Variants in ZNF519 observed in about 807,000 individuals in gnomAD.
ZNF519 encodes the protein zinc finger protein 519.
A neutral mutation model predicts 7.4 loss-of-function variants in ZNF519; 7 were observed. The ratio of observed to expected loss-of-function variants is 0.94; its 90% CI spans 0.54 to 1.77. The LOEUF is 1.77. Ranked by LOEUF, ZNF519 falls within the 40% of genes most tolerant of loss-of-function variation. The probability of loss-of-function intolerance (pLI) is 0.00; values close to 1 mark genes in which losing one functional copy is unlikely to be tolerated. For synonymous variants in ZNF519, 179 were observed against 203.3 expected (o/e 0.88, Z 1.02); for missense variants, 586 against 623.1 (o/e 0.94, Z 0.63).
exon 5 of ZNF519, chr18:14,076,521 C>T (rs770430068): frequency 3.9e-5 from 6 of 152,034 alleles, no homozygotes; most frequent in Non-Finnish European, 5.9e-5. Flanking sequence ...ACTACATCAC[C>T]ATTAATATAT....
downstream of ZNF519, chr18:14,074,727 C>T (rs1268743677): frequency 6.6e-6 from 1 of 152,166 alleles, no homozygotes; most frequent in Non-Finnish European, 1.5e-5. Flanking sequence ...TGGGTAAAAC[C>T]ATTCAACAAG....
At chr18:14,086,087 G>GTGCAAAGAGTGAC (rs1466590791) in intron 2 of ZNF519, among the ~76,000 whole-genome samples, 4 of 152,188 alleles carry the variant, frequency 2.6e-5, no homozygotes, top group African/African-American at 9.7e-5. Context: ...GGGCAGCACA[G>GTGCAAAGAGTGAC]TGCAAAGAGT....
intron 1 of ZNF519, 49 bp from the exon 2 acceptor site, chr18:14,124,525 G>C (rs1030651189): frequency 6.3e-7 from 1 of 1,587,252 alleles, no homozygotes; most frequent in Admixed American, 1.9e-5. Context: ...GACTAGAGAT[G>C]AAATGAGTTA....
chr18:14,077,744 C>T (rs1433416278), intron 4 of ZNF519, among the ~76,000 whole-genome samples: 1 of 151,752 alleles, frequency 6.6e-6, no homozygotes, highest in Admixed American at 6.6e-5. Flanking sequence ...GAGGGACTGA[C>T]CACAAGGCAG....
At chr18:14,121,420 C>T (rs1305175124) in intron 2 of ZNF519, among the ~76,000 whole-genome samples, 1 of 151,944 alleles carries the variant, frequency 6.6e-6, no homozygotes, top group Non-Finnish European at 1.5e-5. Flanking sequence ...TATTTCACAA[C>T]GTATACACAT....
At chr18:14,132,179 G>A (rs2046334027) in intron 1 of ZNF519, 96 bp downstream of exon 1, 1 of 1,448,402 alleles carries the variant, frequency 6.9e-7, no homozygotes, top group African/African-American at 1.4e-5. Context: ...CTGAGCTGCA[G>A]ACTCGACTCG....
At position 14,131,851 on chromosome 18, in the gene ZNF519, C is replaced by G. The variant is rs574037414; in HGVS notation, c.3+424G>C. On this transcript the variant is annotated intron_variant, in intron 1 of 2. Coordinates refer to ENST00000590202, the MANE Select transcript of ZNF519 (RefSeq NM_145287.4). ...TTCTAGTAGCCCCCCAACCACAAAC[C>G]ATTGCTGAGCGCTGTCCCATTAATT... is the stretch of plus-strand genomic sequence containing the variant. Among the ~76,000 whole-genome samples the G allele has an allele frequency of 2.0e-5, 3 of 152,324 alleles. No individual in the cohort carries two copies. In the East Asian group the frequency reaches 5.8e-4, roughly 29 times the overall value.
chr18:14,080,344 A>G (rs2046066189), intron 3 of ZNF519: 1 of 82,330 alleles, frequency 1.2e-5, no homozygotes, highest in Non-Finnish European at 2.3e-5. Flanking sequence ...TTTTTTTGAG[A>G]CAGAGTCTCG....
intron 2 of ZNF519, among the ~76,000 whole-genome samples, chr18:14,113,653 T>A (rs1284904089): frequency 1.3e-5 from 2 of 152,122 alleles, no homozygotes; most frequent in Non-Finnish European, 2.9e-5. Context: ...CTTGTGTACA[T>A]ACCTAGGATT....
rs9783868 is a variant in ZNF519 at position 14,101,787 on chromosome 18, C to T, written c.*3130G>A. On this transcript the variant is annotated 3_prime_UTR_variant, in exon 3 of 3. Transcript: ENST00000590202. ...CTGTGTGGAGCTCTGCAAAGACAAACCAGCAGTTAATCTTGCACGCAACAG... is the reference window on the plus strand; with the variant it reads ...CTGTGTGGAGCTCTGCAAAGACAAATCAGCAGTTAATCTTGCACGCAACAG... The T allele has an allele frequency of 3.9e-3, 1,551 of 398,552 alleles. 23 individuals carry two copies. Among genetic ancestry groups the T allele is most frequent in the African/African-American group, 0.026 (1,256 of 48,710 alleles). The allele number at this position is 398,552 out of a possible 1,614,324, so 24.7% of individuals were successfully genotyped here. A position where few individuals can be genotyped will look rare whatever the true frequency, so the allele number is the denominator to read the frequency against.
At chr18:14,111,506 C>CA (rs1491497636) in intron 2 of ZNF519, among the ~76,000 whole-genome samples, 1,720 of 45,630 alleles carry the variant, frequency 0.038, 28 homozygotes, top group African/African-American at 0.13. Flanking sequence ...GACTCCTACT[C>CA]AAAAAAAAGA....
chr18:14,094,635 G>T (rs1443202458), intron 2 of ZNF519, among the ~76,000 whole-genome samples: 1 of 152,130 alleles, frequency 6.6e-6, no homozygotes, highest in East Asian at 1.9e-4. Context: ...TTCTATTTGA[G>T]CATGGTCGAT....
intron 3 of ZNF519, among the ~76,000 whole-genome samples, chr18:14,080,501 T>A (rs190285459): frequency 1.1e-4 from 17 of 152,148 alleles, no homozygotes; most frequent in Non-Finnish European, 2.1e-4. Flanking sequence ...TTTGTATTTT[T>A]AGTAGAGACG....
At chr18:14,084,447 G>T (rs1214558501) in intron 3 of ZNF519, 4 of 152,198 alleles carry the variant, frequency 2.6e-5, no homozygotes, top group Non-Finnish European at 5.9e-5. Flanking sequence ...TGAGGAAAGT[G>T]AGCTAGTTCT....
intron 2 of ZNF519, among the ~76,000 whole-genome samples, chr18:14,115,700 A>G (rs564763434): frequency 1.1e-4 from 17 of 152,348 alleles, no homozygotes; most frequent in African/African-American, 3.6e-4. Context: ...ACAATTTCAA[A>G]TATACAAATA....
chr18:14,107,522 C>A (rs1239698728), intron 2 of ZNF519, among the ~76,000 whole-genome samples: 1 of 152,108 alleles, frequency 6.6e-6, no homozygotes, highest in Admixed American at 6.5e-5. Flanking sequence ...GTGGTGGCTA[C>A]AGGGAGTCAC....
At chr18:14,072,175 G>A (rs1387846521), downstream of ZNF519, 1 of 152,104 alleles carries the variant, frequency 6.6e-6, no homozygotes. Flanking sequence ...GTAACTGCCT[G>A]GTCTGTAACA....
chr18:14,099,197 C>T (rs760924236), downstream of ZNF519, among the ~76,000 whole-genome samples: 4 of 152,118 alleles, frequency 2.6e-5, no homozygotes, highest in Non-Finnish European at 5.9e-5. Context: ...TAGCCTCCCC[C>T]GACCTGCCTG....
downstream of ZNF519, chr18:14,075,718 A>G (rs913278380): frequency 2.6e-5 from 4 of 152,180 alleles, no homozygotes; most frequent in Non-Finnish European, 5.9e-5. Context: ...GATTATTCCT[A>G]TTGCCACATC....
Sources: gnomAD v4.1 joint callset for allele counts (sites outside exome capture counted in the v4.1 genomes callset) on GRCh38, gnomAD v4.1.1 for gene constraint, MANE v1.5 for transcripts, NCBI Gene and HGNC (gene_info 2026-07-23, HGNC 2026-07-21) for gene names.